The following SDHAF2 variants were observed in gnomAD, a reference collection of about 807,000 sequenced individuals.
The protein encoded by SDHAF2 is succinate dehydrogenase assembly factor 2, mitochondrial.
A neutral mutation model predicts 18.5 loss-of-function variants in SDHAF2; 21 were observed. The ratio of observed to expected loss-of-function variants is 1.13; its 90% CI spans 0.80 to 1.63. The LOEUF (loss-of-function observed/expected upper bound fraction) is 1.63, where lower values mean the gene tolerates loss of function less well. Ranked by LOEUF, SDHAF2 falls within the 40% of genes most tolerant of loss-of-function variation. The pLI is 0.00. For missense variants in SDHAF2, 195 were observed against 200.3 expected, an observed-to-expected ratio of 0.97 and a Z score of 0.16; for synonymous variants, 84 against 70.7, an observed-to-expected ratio of 1.19 and a Z score of -0.94.
chr11:61,436,160 A>C, intron 1 of SDHAF2: 1 of 151,704 alleles, frequency 6.6e-6, no homozygotes, highest in Non-Finnish European at 1.5e-5. Flanking sequence ...TGCACACTCC[A>C]CTCCCCTCAA....
Position 61,441,556 on chromosome 11 carries a change from C to T in SDHAF2, c.370+3443C>T, listed in dbSNP as rs557002802. 3.6e-4 allele frequency among the ~76,000 whole-genome samples: 54 copies of T among 150,370 alleles called. 1 individual carries two copies. The South Asian group carries it at 9.9e-3, about 28-fold the overall frequency. ...AAAAAAAGATCAGACTCAACAAGTA[C>T]ATACTCAGTACATAATTGGACTCCA... On this transcript the variant is annotated intron_variant, in intron 3 of 3. Transcript: ENST00000301761.
chr11:61,433,938 A>G (rs547635347), intron 1 of SDHAF2: 1 of 152,372 alleles, frequency 6.6e-6, no homozygotes, highest in East Asian at 1.9e-4. Flanking sequence ...CTTTTTAAAG[A>G]CATAGGATCT....
chr11:61,442,235 C>T (rs867936592), intron 3 of SDHAF2, among the ~76,000 whole-genome samples: 2 of 152,068 alleles, frequency 1.3e-5, no homozygotes, highest in Non-Finnish European at 2.9e-5. Flanking sequence ...ATATAGAATT[C>T]GAGGGTCACA....
In SDHAF2 at chr11:61,444,451, T is replaced by C. The variant is rs571023370; in HGVS notation, c.371-1490T>C. 77 of 152,342 alleles carry C rather than the reference T, an allele frequency of 5.1e-4. 1 individual carries two copies. Among genetic ancestry groups the C allele is most frequent in the African/African-American group, 1.7e-3 (71 of 41,554 alleles). 9.4% of individuals were successfully genotyped at this position (152,342 alleles called of 1,614,324 possible). A position where few individuals can be genotyped will look rare whatever the true frequency, so the allele number is the denominator to read the frequency against. On this transcript the variant is annotated intron_variant, in intron 3 of 3. Coordinates refer to ENST00000301761, the MANE Select transcript of SDHAF2 (RefSeq NM_017841.4). ...CTGTATTAATTTAAAACAAATTTTT[T>C]TGGCTGGGCGTGGTGGCTCACGCCT...
rs1342246688 is a variant in SDHAF2, at chr11:61,446,149, G to A, written c.*78G>A. 2 of 1,566,414 alleles carry A rather than the reference G, an allele frequency of 1.3e-6. No homozygotes were observed. Among genetic ancestry groups the A allele is most frequent in the Non-Finnish European group, 1.8e-6 (2 of 1,141,030 alleles). ...ATGATGGACGTTAGCCTTGCTTCCGGCTTCTTAGATGCCCAGCTGCCCTAC... is the reference window on the plus strand; with the variant it reads ...ATGATGGACGTTAGCCTTGCTTCCGACTTCTTAGATGCCCAGCTGCCCTAC... On this transcript the variant is annotated 3_prime_UTR_variant, in exon 4 of 4. Transcript: ENST00000301761.
In SDHAF2 at chr11:61,446,445, G is replaced by A; in HGVS notation, c.*374G>A. The A allele has an allele frequency of 3.5e-6, 2 of 564,382 alleles. No individual in the cohort carries two copies. Among genetic ancestry groups the A allele is most frequent in the East Asian group, 2.9e-5 (1 of 34,940 alleles). 35.0% of individuals were successfully genotyped at this position (564,382 alleles called of 1,614,324 possible). A position where few individuals can be genotyped will look rare whatever the true frequency, so the allele number is the denominator to read the frequency against. On this transcript the variant is annotated 3_prime_UTR_variant, in exon 4 of 4. Coordinates refer to ENST00000301761, the MANE Select transcript of SDHAF2 (RefSeq NM_017841.4). ...AAAGAGGCAGCCAGCTGTGCGTGCTGTATGGAAAGCCTCCCGCCCTCCCTG... is the reference window on the plus strand; with the variant it reads ...AAAGAGGCAGCCAGCTGTGCGTGCTATATGGAAAGCCTCCCGCCCTCCCTG...
Position 61,445,929 on chromosome 11 carries a change from C to A in SDHAF2, c.371-12C>A. ...TATGGCATAATTTTTTCTGCCCACTCTTCTCTTGCAGAAGCTAAACCAGCC... is the reference window on the plus strand; with the variant it reads ...TATGGCATAATTTTTTCTGCCCACTATTCTCTTGCAGAAGCTAAACCAGCC... On this transcript the variant is annotated splice_polypyrimidine_tract_variant and intron_variant, in intron 3 of 3. Coordinates refer to ENST00000301761, the MANE Select transcript of SDHAF2 (RefSeq NM_017841.4). The A allele has an allele frequency of 6.2e-7, 1 of 1,614,166 alleles. No homozygotes were observed. The highest frequency in any genetic ancestry group is 1.3e-5 in the African/African-American group (1 of 75,052).
intron 1 of SDHAF2, chr11:61,433,711 T>G (rs1861961257): frequency 6.6e-6 from 1 of 152,266 alleles, no homozygotes; most frequent in African/African-American, 2.4e-5. Context: ...TGAATTTTCA[T>G]CGCATGCTGT....
At position 61,445,364 on chromosome 11, in the gene SDHAF2, A is replaced by G. The variant is rs566795135; in HGVS notation, c.371-577A>G. ...CCCGTTCACTGAAATCTGGTTCTTT[A>G]GGCTCATGACAGTTCTGTGTGCCTC... On this transcript the variant is annotated intron_variant, in intron 3 of 3. Coordinates refer to ENST00000301761, the MANE Select transcript of SDHAF2 (RefSeq NM_017841.4). 4.1e-4 allele frequency among the ~76,000 whole-genome samples: 62 copies of G among 152,292 alleles called. No homozygotes were observed. The South Asian group carries it at 0.012, about 29-fold the overall frequency.
chr11:61,440,162 A>G (rs1426102447), intron 3 of SDHAF2, among the ~76,000 whole-genome samples: 1 of 151,856 alleles, frequency 6.6e-6, no homozygotes, highest in Non-Finnish European at 1.5e-5. Flanking sequence ...TAAAAATGCA[A>G]AAGTTAGCCG....
rs2134902644 is a variant in SDHAF2, at chr11:61,446,447, A to C, written c.*376A>C. The C allele has an allele frequency of 1.8e-6, 1 of 564,386 alleles. No individual in the cohort carries two copies. The highest frequency in any genetic ancestry group is 3.4e-5 in the Admixed American group (1 of 29,836). The allele number at this position is 564,386 out of a possible 1,614,324, so 35.0% of individuals were successfully genotyped here. ...AGAGGCAGCCAGCTGTGCGTGCTGT[A>C]TGGAAAGCCTCCCGCCCTCCCTGCA... On this transcript the variant is annotated 3_prime_UTR_variant, in exon 4 of 4. Coordinates refer to ENST00000301761, the MANE Select transcript of SDHAF2 (RefSeq NM_017841.4).
chr11:61,430,821 ATC>A (rs1249573381), intron 1 of SDHAF2: 1 of 151,192 alleles, frequency 6.6e-6, no homozygotes, highest in Non-Finnish European at 1.5e-5. Flanking sequence ...CTTTGCCTCT[ATC>A]TTCCCCTCCT....
intron 1 of SDHAF2, among the ~76,000 whole-genome samples, chr11:61,436,396 G>A (rs371859389): frequency 6.6e-6 from 1 of 152,144 alleles, no homozygotes; most frequent in Non-Finnish European, 1.5e-5. Context: ...TCTCCTGCTT[G>A]TTCTGCACTG....
chr11:61,438,474 C>T (rs1489958390), intron 3 of SDHAF2: 12 of 332,518 alleles, frequency 3.6e-5, no homozygotes, highest in Non-Finnish European at 2.2e-5. Flanking sequence ...CCTGGGATTA[C>T]AGGCATGAGC....
At chr11:61,430,383 G>C (rs1861853053) in intron 1 of SDHAF2, 5 of 651,182 alleles carry the variant, frequency 7.7e-6, no homozygotes, top group African/African-American at 5.5e-5. Flanking sequence ...TGCCGGTCTG[G>C]AAATATCTGC....
intron 3 of SDHAF2, among the ~76,000 whole-genome samples, chr11:61,441,711 C>G (rs1338327257): frequency 2.0e-5 from 3 of 152,028 alleles, no homozygotes; most frequent in African/African-American, 7.2e-5. Flanking sequence ...TTTGTATTAT[C>G]AGGGTTTTGT....
chr11:61,437,031 G>A (rs1862002376), intron 1 of SDHAF2: 1 of 1,169,816 alleles, frequency 8.5e-7, no homozygotes, highest in African/African-American at 1.6e-5. Flanking sequence ...AATTATTTCT[G>A]CTGGGATAGT....
intron 3 of SDHAF2, among the ~76,000 whole-genome samples, chr11:61,442,748 G>T (rs921246545): frequency 6.6e-6 from 1 of 152,012 alleles, no homozygotes; most frequent in African/African-American, 2.4e-5. Context: ...AACAGCTGTT[G>T]TGGGGGTTTT....
chr11:61,434,104 T>C (rs1467772535), intron 1 of SDHAF2: 1 of 152,236 alleles, frequency 6.6e-6, no homozygotes, highest in Non-Finnish European at 1.5e-5. Flanking sequence ...TGGACTTCTT[T>C]GGGTTCATGT....
Sources: allele counts gnomAD v4.1 joint callset (sites outside exome capture counted in the v4.1 genomes callset), GRCh38; gene constraint gnomAD v4.1.1; transcripts MANE v1.5; gene names NCBI Gene and HGNC (gene_info 2026-07-23, HGNC 2026-07-21).